The following NAALADL2 variants were observed in gnomAD, a reference collection of about 807,000 sequenced individuals.
NAALADL2 encodes inactive N-acetylated-alpha-linked acidic dipeptidase-like protein 2.
NAALADL2 carries 76 observed loss-of-function variants against 87.2 expected under a neutral mutation model. The observed-to-expected ratio is 0.87, with a 90% CI of 0.72 to 1.05. The LOEUF (loss-of-function observed/expected upper bound fraction) is 1.05. Among genes scored for constraint, NAALADL2 ranks in the 50% least tolerant of loss-of-function variants. The pLI is 0.00. For synonymous variants in NAALADL2, 354 were observed against 331.0 expected (o/e 1.07, Z -0.75); for missense variants, 1,089 against 945.8 (o/e 1.15, Z -1.99).
chr3:175,223,797 C>T lies in NAALADL2; in HGVS notation c.546-10134C>T, dbSNP rs917792503. ...CTAAGTTCAAGTATATTTTCTGATG[C>T]AGTTTTTATAATATTCTCAGTACTT... On this transcript the variant is annotated intron_variant, in intron 2 of 13. Transcript: ENST00000454872. 5.3e-5 allele frequency among the ~76,000 whole-genome samples: 8 copies of T among 152,190 alleles called. No individual in the cohort carries two copies. In the South Asian group the frequency reaches 1.7e-3, roughly 32 times the overall value.
At chr3:174,728,393 T>G (rs1027293081) in intron 2 of NAALADL2, among the ~76,000 whole-genome samples, 4 of 152,044 alleles carry the variant, frequency 2.6e-5, no homozygotes, top group African/African-American at 9.7e-5. Context: ...ATGGAAGAAG[T>G]TATGTATTAG....
chr3:174,606,339 A>G (rs915679163), intron 2 of NAALADL2, among the ~76,000 whole-genome samples: 2 of 152,256 alleles, frequency 1.3e-5, no homozygotes, highest in Non-Finnish European at 2.9e-5. Context: ...TGACGAGTTG[A>G]GAGAAGAAGG....
chr3:175,337,717 A>G (rs1361377865), intron 5 of NAALADL2, among the ~76,000 whole-genome samples: 1 of 152,196 alleles, frequency 6.6e-6, no homozygotes, highest in African/African-American at 2.4e-5. Context: ...ACAAAAACAA[A>G]CAAACAAACA....
At chr3:175,299,214 C>T (rs142160374) in intron 4 of NAALADL2, among the ~76,000 whole-genome samples, 2,136 of 152,106 alleles carry the variant, frequency 0.014, 48 homozygotes, top group African/African-American at 0.048. Flanking sequence ...ATGCCTCCAG[C>T]TTTGTTCTTT....
chr3:174,780,047 T>C (rs985951077), intron 3 of NAALADL2, among the ~76,000 whole-genome samples: 3 of 152,204 alleles, frequency 2.0e-5, no homozygotes, highest in African/African-American at 7.2e-5. Context: ...ATTGAATCTA[T>C]AAATTACTTT....
At chr3:175,315,282 G>T (rs1291588299) in intron 4 of NAALADL2, among the ~76,000 whole-genome samples, 1 of 152,268 alleles carries the variant, frequency 6.6e-6, no homozygotes, top group Admixed American at 6.5e-5. Flanking sequence ...GGATTACATT[G>T]AGTTAAGCAC....
At chr3:174,649,994 A>T (rs947560740) in intron 2 of NAALADL2, among the ~76,000 whole-genome samples, 5 of 152,166 alleles carry the variant, frequency 3.3e-5, no homozygotes, top group Non-Finnish European at 7.4e-5. Context: ...GAAAATTTAT[A>T]AATCCACTTT....
chr3:174,801,209 C>T (rs1718791840), intron 3 of NAALADL2, among the ~76,000 whole-genome samples: 1 of 152,144 alleles, frequency 6.6e-6, no homozygotes, highest in Admixed American at 6.5e-5. Flanking sequence ...CCACCCAAAT[C>T]TCTTCTGTAA....
intron 1 of NAALADL2, among the ~76,000 whole-genome samples, chr3:174,981,354 A>T: frequency 6.6e-6 from 1 of 152,178 alleles, no homozygotes; most frequent in Non-Finnish European, 1.5e-5. Context: ...CAACATTTTT[A>T]AAAGTATTTT....
chr3:175,709,598 G>A (rs926644110), intron 11 of NAALADL2, among the ~76,000 whole-genome samples: 14 of 152,054 alleles, frequency 9.2e-5, no homozygotes, highest in Admixed American at 5.3e-4. Context: ...AGCGTATTAC[G>A]CTGGAAATAA....
chr3:174,699,507 A>C (rs910373030), intron 2 of NAALADL2, among the ~76,000 whole-genome samples: 2 of 152,112 alleles, frequency 1.3e-5, no homozygotes, highest in African/African-American at 4.8e-5. Flanking sequence ...AAAAAAAAAA[A>C]AAATTCTTAG....
At chr3:174,863,094 T>C (rs1726702574) in intron 1 of NAALADL2, among the ~76,000 whole-genome samples, 1 of 152,120 alleles carries the variant, frequency 6.6e-6, no homozygotes, top group Admixed American at 6.6e-5. Flanking sequence ...AGCTAGAAGA[T>C]AGTCTCAAGT....
At chr3:175,107,838 T>C (rs9845671) in intron 2 of NAALADL2, among the ~76,000 whole-genome samples, 21,768 of 151,706 alleles carry the variant, frequency 0.14, 1,666 homozygotes, top group Middle Eastern at 0.2. Flanking sequence ...ATACTTCAAA[T>C]ATATTACTAA....
chr3:175,380,723 T>C (rs1186223380), intron 5 of NAALADL2, among the ~76,000 whole-genome samples: 1 of 152,158 alleles, frequency 6.6e-6, no homozygotes, highest in Non-Finnish European at 1.5e-5. Context: ...CTTTTTATGT[T>C]TTGAGAAACT....
chr3:174,561,657 G>A (rs1296444353), intron 2 of NAALADL2, among the ~76,000 whole-genome samples: 6 of 152,088 alleles, frequency 3.9e-5, no homozygotes, highest in Admixed American at 3.9e-4. Context: ...AACTGGATTT[G>A]GAAGGAAGTG....
At chr3:174,697,174 ACTTATT>A (rs1265705491) in intron 2 of NAALADL2, among the ~76,000 whole-genome samples, 4 of 152,186 alleles carry the variant, frequency 2.6e-5, no homozygotes, top group African/African-American at 9.6e-5. Context: ...CCATAATTTT[ACTTATT>A]CTTAAAGAGT....
chr3:175,004,376 C>CAAAAAAAAAAAAAAAA lies in NAALADL2; in HGVS notation c.44-92400_44-92385dup, dbSNP rs538715061. ...CCTGGGTGACAGAGTGAGACTATTT[C>CAAAAAAAAAAAAAAAA]AAAAAAAAAAAAAAAAAAAAAAAAA... On this transcript the variant is annotated intron_variant, in intron 1 of 13. Transcript: ENST00000454872. Among the ~76,000 whole-genome samples, 3 of 33,838 alleles carry CAAAAAAAAAAAAAAAA rather than the reference C, an allele frequency of 8.9e-5. 1 individual carries two copies. Among genetic ancestry groups the CAAAAAAAAAAAAAAAA allele is most frequent in the Non-Finnish European group, 2.8e-4 (3 of 10,558 alleles). 22.2% of individuals were successfully genotyped at this position (33,838 alleles called of 152,430 possible).
intron 9 of NAALADL2, among the ~76,000 whole-genome samples, chr3:175,507,392 A>T (rs1057006512): frequency 1.3e-5 from 2 of 151,982 alleles, no homozygotes; most frequent in Non-Finnish European, 2.9e-5. Flanking sequence ...CCTAATCTAA[A>T]TCTTTCTTAT....
At chr3:174,922,347 A>G (rs1735360697) in intron 1 of NAALADL2, among the ~76,000 whole-genome samples, 1 of 151,948 alleles carries the variant, frequency 6.6e-6, no homozygotes, top group South Asian at 2.1e-4. Context: ...GATTTTTTTA[A>G]AAGCTTTTTA....
Sources: gnomAD v4.1 joint callset for allele counts (sites outside exome capture counted in the v4.1 genomes callset) on GRCh38, gnomAD v4.1.1 for gene constraint, MANE v1.5 for transcripts, NCBI Gene and HGNC (gene_info 2026-07-23, HGNC 2026-07-21) for gene names.